Variants in PSD3 observed in about 807,000 individuals in gnomAD.
The protein encoded by PSD3 is PH and SEC7 domain-containing protein 3.
In PSD3, 49 loss-of-function variants were observed where a neutral mutation model predicts 105.5. The ratio of observed to expected loss-of-function variants is 0.46; its 90% confidence interval spans 0.37 to 0.59. The LOEUF is 0.59. PSD3 is among the 20% of genes least tolerant of loss of function. The pLI, the probability that PSD3 is intolerant of heterozygous loss-of-function variation, is 0.00. For synonymous variants in PSD3, 557 were observed against 457.8 expected (o/e 1.22, Z -2.77); for missense variants, 1,561 against 1,263.8 (o/e 1.24, Z -3.57).
intron 1 of PSD3, among the ~76,000 whole-genome samples, chr8:18,945,857 C>G (rs1563450168): frequency 1.2e-5 from 1 of 84,854 alleles, no homozygotes; most frequent in Non-Finnish European, 2.7e-5. Context: ...CACTTGTAAT[C>G]CCAGCTCTCA....
intron 4 of PSD3, among the ~76,000 whole-genome samples, chr8:18,823,780 T>TCA (rs3042864): frequency 0.022 from 1,467 of 66,054 alleles, 13 homozygotes; most frequent in Non-Finnish European, 0.03. Context: ...TTAAACACAC[T>TCA]CACACACACA....
chr8:18,839,166 A>G (rs1814402102), intron 4 of PSD3, among the ~76,000 whole-genome samples: 1 of 152,022 alleles, frequency 6.6e-6, no homozygotes, highest in African/African-American at 2.4e-5. Flanking sequence ...ATTGCTTCCC[A>G]GGATCCTAAC....
At chr8:19,051,482 C>T (rs571041938) in intron 1 of PSD3, among the ~76,000 whole-genome samples, 1 of 152,320 alleles carries the variant, frequency 6.6e-6, no homozygotes, top group South Asian at 2.1e-4. Context: ...AGTGCTGGCA[C>T]ATACTAGGCA....
intron 4 of PSD3, among the ~76,000 whole-genome samples, chr8:18,835,349 C>A (rs1283238429): frequency 6.6e-6 from 1 of 152,146 alleles, no homozygotes. Context: ...TTGACTTTTA[C>A]AGATCCTTAT....
At chr8:18,876,117 G>C (rs993734650) in intron 2 of PSD3, among the ~76,000 whole-genome samples, 3 of 152,070 alleles carry the variant, frequency 2.0e-5, no homozygotes, top group African/African-American at 7.2e-5. Context: ...AAGAGAGACA[G>C]GGTCTCTCTA....
At chr8:18,548,317 G>A (rs907748486) in intron 15 of PSD3, among the ~76,000 whole-genome samples, 1 of 152,058 alleles carries the variant, frequency 6.6e-6, no homozygotes, top group Non-Finnish European at 1.5e-5. Flanking sequence ...ACTCATAGAT[G>A]TCCATTTCTT....
chr8:18,833,297 AG>A lies in PSD3; in HGVS notation c.1635-28400del, dbSNP rs1419872977. The stretch of plus-strand genomic sequence containing the variant: ...TGAGACAGTGTGAAGAACACAGAGC[AG>A]GCAGAAGATGAAGGTGGAGGTGAGC... On this transcript the variant is annotated intron_variant, in intron 4 of 15. Transcript: ENST00000327040. 2.0e-5 allele frequency among the ~76,000 whole-genome samples: 3 copies of A among 152,224 alleles called. No homozygotes were observed. The East Asian group carries it at 5.8e-4, about 29-fold the overall frequency.
chr8:18,809,092 G>A (rs1241513814), intron 4 of PSD3, among the ~76,000 whole-genome samples: 1 of 152,188 alleles, frequency 6.6e-6, no homozygotes, highest in Non-Finnish European at 1.5e-5. Context: ...CCCTCTCGGA[G>A]GGGATAACAC....
At chr8:18,973,480 T>A (rs1446385687) in intron 1 of PSD3, among the ~76,000 whole-genome samples, 2 of 152,160 alleles carry the variant, frequency 1.3e-5, no homozygotes, top group African/African-American at 4.8e-5. Context: ...CCTGTGTGTA[T>A]ACACTCTGGT....
chr8:18,622,972 T>C (rs1806219841), intron 11 of PSD3, among the ~76,000 whole-genome samples: 1 of 152,190 alleles, frequency 6.6e-6, no homozygotes, highest in African/African-American at 2.4e-5. Context: ...CAAAATTCTA[T>C]TACTATGGTA....
At chr8:18,890,539 A>C (rs546595493) in intron 2 of PSD3, among the ~76,000 whole-genome samples, 1 of 152,338 alleles carries the variant, frequency 6.6e-6, no homozygotes, top group Non-Finnish European at 1.5e-5. Context: ...TGAAAAGAAA[A>C]CAAAACCTCA....
At chr8:18,701,856 T>C (rs574641642) in intron 9 of PSD3, among the ~76,000 whole-genome samples, 1 of 152,326 alleles carries the variant, frequency 6.6e-6, no homozygotes, top group South Asian at 2.1e-4. Flanking sequence ...TGAACACTAT[T>C]TCATCTCAGG....
intron 9 of PSD3, among the ~76,000 whole-genome samples, chr8:18,716,736 G>A (rs1285161218): frequency 3.3e-5 from 5 of 152,158 alleles, no homozygotes; most frequent in African/African-American, 4.8e-5. Context: ...TCTATAAACT[G>A]TTCTCCATGC....
chr8:18,545,404 A>G (rs1800397175), intron 15 of PSD3, among the ~76,000 whole-genome samples: 1 of 152,128 alleles, frequency 6.6e-6, no homozygotes, highest in Non-Finnish European at 1.5e-5. Flanking sequence ...ACTATAGCTG[A>G]GTATAAAATT....
At chr8:18,991,373 TACACACAC>T in intron 1 of PSD3, among the ~76,000 whole-genome samples, 1 of 100,088 alleles carries the variant, frequency 1.0e-5, no homozygotes, top group East Asian at 2.8e-4. Flanking sequence ...CACACACACA[TACACACAC>T]ACACACACAC....
At chr8:18,755,261 C>T (rs1382681834) in intron 9 of PSD3, among the ~76,000 whole-genome samples, 1 of 151,940 alleles carries the variant, frequency 6.6e-6, no homozygotes, top group Non-Finnish European at 1.5e-5. Flanking sequence ...AAACCCCTGT[C>T]CCTACTAAAA....
intron 1 of PSD3, among the ~76,000 whole-genome samples, chr8:19,073,213 G>T (rs539610093): frequency 6.6e-6 from 1 of 152,266 alleles, no homozygotes; most frequent in South Asian, 2.1e-4. Flanking sequence ...AAAGGGATGA[G>T]GTGGGGAATT....
At chr8:18,939,302 G>C (rs1435986078) in intron 1 of PSD3, among the ~76,000 whole-genome samples, 1 of 152,102 alleles carries the variant, frequency 6.6e-6, no homozygotes, top group Non-Finnish European at 1.5e-5. Context: ...TTTACCTTTA[G>C]ATGAAATTTA....
At chr8:19,034,397 C>G (rs992572926) in intron 1 of PSD3, among the ~76,000 whole-genome samples, 1 of 152,200 alleles carries the variant, frequency 6.6e-6, no homozygotes, top group African/African-American at 2.4e-5. Flanking sequence ...CAACCTCACC[C>G]TCAAAGCAGG....
Sources: allele counts gnomAD v4.1 joint callset (sites outside exome capture counted in the v4.1 genomes callset), GRCh38; gene constraint gnomAD v4.1.1; transcripts MANE v1.5; gene names NCBI Gene and HGNC (gene_info 2026-07-23, HGNC 2026-07-21).